The following UGT2B4 variants were observed in gnomAD, a reference collection of about 807,000 sequenced individuals.
UGT2B4 encodes the protein UDP glucuronosyltransferase family 2 member B4.
A neutral mutation model predicts 49.8 loss-of-function variants in UGT2B4; 49 were observed. That is an observed-to-expected ratio of 0.98 (90% CI 0.78 to 1.25). UGT2B4 has a LOEUF of 1.25. Ranked by LOEUF, UGT2B4 falls within the 50% of genes most tolerant of loss-of-function variation. The pLI, the probability that UGT2B4 is intolerant of heterozygous loss-of-function variation, is 0.00. For synonymous variants in UGT2B4, 246 were observed against 217.7 expected, an observed-to-expected ratio of 1.13 and a Z score of -1.14; for missense variants, 729 against 627.7, an observed-to-expected ratio of 1.16 and a Z score of -1.73.
intron 3 of UGT2B4, among the ~76,000 whole-genome samples, chr4:69,487,423 ACAAGAT>A (rs1381831585): frequency 1.3e-5 from 2 of 152,220 alleles, no homozygotes; most frequent in African/African-American, 2.4e-5. Context: ...ATAAAAAAGA[ACAAGAT>A]CATGTATTTT....
At chr4:69,514,499 G>T (rs1436406864) in intron 1 of UGT2B4, among the ~76,000 whole-genome samples, 1 of 152,132 alleles carries the variant, frequency 6.6e-6, no homozygotes, top group African/African-American at 2.4e-5. Flanking sequence ...ATACTATGTT[G>T]TATAGGAGTG....
At position 69,506,337 on chromosome 4, in the gene UGT2B4, T is replaced by TA. The variant is rs571869821; in HGVS notation, c.-105-10372dup. Reference sequence around the variant, plus strand: ...TAACAAAATAGAATTCTAGCTACAATAATAAAGAAAAAAGAGAGAAGATTC... The same window carrying TA: ...TAACAAAATAGAATTCTAGCTACAATAAATAAAGAAAAAAGAGAGAAGATTC... On this transcript the variant is annotated intron_variant, in intron 1 of 1. Coordinates refer to the UGT2B4 transcript ENST00000510114. Among the ~76,000 whole-genome samples the TA allele has an allele frequency of 5.9e-4, 89 of 151,476 alleles. 2 individuals are homozygous for TA. In the Middle Eastern group the frequency reaches 0.01, roughly 17 times the overall value.
At chr4:69,502,087 CTCTCTCTTTCTTTCTTTCTTTCTT>C (rs1305058955) in intron 1 of UGT2B4, among the ~76,000 whole-genome samples, 19 of 38,332 alleles carry the variant, frequency 5.0e-4, no homozygotes, top group Non-Finnish European at 3.0e-4. Flanking sequence ...TTCTTTCTTT[CTCTCTCTTTCTTTCTTTCTTTCTT>C]TCTTTCTTTC....
upstream of UGT2B4, among the ~76,000 whole-genome samples, chr4:69,500,666 A>AAAGAAAGAAAGAAAGAAAGAAAGGAAGG (rs1444201529): frequency 1.6e-4 from 18 of 113,888 alleles, no homozygotes; most frequent in South Asian, 2.8e-4. Flanking sequence ...AGAAAGAAAG[A>AAAGAAAGAAAGAAAGAAAGAAAGGAAGG]AAGGAAGGAA....
At chr4:69,487,392 A>G (rs895562998) in intron 3 of UGT2B4, among the ~76,000 whole-genome samples, 2 of 152,216 alleles carry the variant, frequency 1.3e-5, no homozygotes, top group African/African-American at 4.8e-5. Context: ...GTACATGTTC[A>G]CCATGAAATA....
intron 1 of UGT2B4, among the ~76,000 whole-genome samples, chr4:69,508,687 A>G (rs1040415934): frequency 6.6e-6 from 1 of 152,146 alleles, no homozygotes; most frequent in Non-Finnish European, 1.5e-5. Context: ...GGAACAAAAG[A>G]CACTAGGGTC....
chr4:69,500,736 T>A (rs1728299630), upstream of UGT2B4, among the ~76,000 whole-genome samples: 5 of 151,838 alleles, frequency 3.3e-5, no homozygotes, highest in Admixed American at 3.3e-4. Context: ...CAAGCAAACA[T>A]CCCTGATCCA....
intron 1 of UGT2B4, among the ~76,000 whole-genome samples, chr4:69,509,178 T>TTTC (rs1357779256): frequency 6.8e-6 from 1 of 147,990 alleles, no homozygotes; most frequent in Non-Finnish European, 1.5e-5. Flanking sequence ...CTATTTTTTT[T>TTTC]TTTTTTTTTT....
chr4:69,481,794 A>G (rs1320052027), intron 5 of UGT2B4, among the ~76,000 whole-genome samples: 4 of 152,234 alleles, frequency 2.6e-5, no homozygotes, highest in East Asian at 1.9e-4. Flanking sequence ...AAGTTTCTAA[A>G]GAGGAATTGT....
chr4:69,508,656 G>A (rs1303947150), intron 1 of UGT2B4, among the ~76,000 whole-genome samples: 2 of 152,122 alleles, frequency 1.3e-5, no homozygotes, highest in African/African-American at 4.8e-5. Context: ...TAAATGATGA[G>A]AACACATGGA....
chr4:69,525,694 A>T, exon 1 of UGT2B4: 1 of 1,280,010 alleles, frequency 7.8e-7, no homozygotes, highest in Non-Finnish European at 1.0e-6. Flanking sequence ...TACCTAATCC[A>T]TTCGTTGATG....
rs185440589 is a variant in UGT2B4 at position 69,484,201 on chromosome 4, G to A, written c.1310+1007C>T. On this transcript the variant is annotated intron_variant, in intron 5 of 5. Coordinates refer to ENST00000305107, the MANE Select transcript of UGT2B4 (RefSeq NM_021139.3). ...GAACTGGAACCCTCCTGTACTGCTGGTGGTAATGACAAATGGAACAAGCAT... is the reference window on the plus strand; with the variant it reads ...GAACTGGAACCCTCCTGTACTGCTGATGGTAATGACAAATGGAACAAGCAT... Among the ~76,000 whole-genome samples the A allele has an allele frequency of 2.7e-3, 405 of 152,112 alleles. 1 individual carries two copies. The highest frequency in any genetic ancestry group is 9.4e-3 in the African/African-American group (388 of 41,492).
Position 69,495,304 on chromosome 4 carries a change from T to A in UGT2B4, c.558A>T (p.Gly186=). Residue 186 remains glycine, a synonymous_variant, in exon 1 of 6, where the codon GGA becomes GGT. Transcript: ENST00000305107. ...GCACATAGGAAGGAGGGAACAGAAG[T>A]CCTCCACTATGCTTTTCAATTGCGT... is the stretch of plus-strand genomic sequence containing the variant. ...PGYAIEKHSG[G]LLFPPSYVPV... 4.3e-6 allele frequency: 7 copies of A among 1,613,110 alleles called. No individual in the cohort carries two copies. The highest frequency in any genetic ancestry group is 5.9e-6 in the Non-Finnish European group (7 of 1,179,622).
At chr4:69,509,170 A>ATTTTTTTTTTTTTT (rs3075675) in intron 1 of UGT2B4, among the ~76,000 whole-genome samples, 4 of 119,784 alleles carry the variant, frequency 3.3e-5, no homozygotes, top group African/African-American at 1.3e-4. Flanking sequence ...TGGAATTTCT[A>ATTTTTTTTTTTTTT]TTTTTTTTTT....
At chr4:69,485,135 TAA>T in intron 5 of UGT2B4, 71 bp downstream of exon 5, 1 of 1,527,598 alleles carries the variant, frequency 6.5e-7, no homozygotes, top group Non-Finnish European at 9.0e-7. Context: ...ATAAAAAGGA[TAA>T]AAGTCATACT....
At chr4:69,500,641 G>GAAA (rs1252909483), upstream of UGT2B4, among the ~76,000 whole-genome samples, 1 of 140,174 alleles carries the variant, frequency 7.1e-6, no homozygotes, top group Non-Finnish European at 1.6e-5. Flanking sequence ...AAGAAAGAAA[G>GAAA]AAAGAAAGAA....
chr4:69,493,029 T>C (rs1341861285), intron 2 of UGT2B4, among the ~76,000 whole-genome samples: 1 of 152,104 alleles, frequency 6.6e-6, no homozygotes, highest in African/African-American at 2.4e-5. Context: ...TCCTGAGGAG[T>C]ATCTGGCTCT....
chr4:69,495,901 T>C lies in UGT2B4; in HGVS notation c.-40A>G, dbSNP rs1367629371. 2 of 1,538,216 alleles carry C rather than the reference T, an allele frequency of 1.3e-6. No individual in the cohort carries two copies. The highest frequency in any genetic ancestry group is 1.8e-4 in the Middle Eastern group (1 of 5,704). On this transcript the variant is annotated 5_prime_UTR_variant, in exon 1 of 6. Transcript: ENST00000305107. Reference sequence around the variant, plus strand: ...ATGCTTGTTTTCCAGTTGCTGCTCCTTTCTGTCATTTCTCATGGTGACATC... The same window carrying C: ...ATGCTTGTTTTCCAGTTGCTGCTCCCTTCTGTCATTTCTCATGGTGACATC...
At chr4:69,484,603 C>A (rs1309454258) in intron 5 of UGT2B4, among the ~76,000 whole-genome samples, 1 of 152,048 alleles carries the variant, frequency 6.6e-6, no homozygotes, top group Non-Finnish European at 1.5e-5. Context: ...AGAAGGAAAG[C>A]AAATTGGTGT....
Sources: allele counts gnomAD v4.1 joint callset (sites outside exome capture counted in the v4.1 genomes callset), GRCh38; gene constraint gnomAD v4.1.1; transcripts MANE v1.5; gene names NCBI Gene and HGNC (gene_info 2026-07-23, HGNC 2026-07-21).